The following ORC3 variants were observed in gnomAD, a reference collection of about 807,000 sequenced individuals.
ORC3 encodes the protein homolog of latheo, Drosophila.
A neutral mutation model predicts 100.7 loss-of-function variants in ORC3; 78 were observed. The ratio of observed to expected loss-of-function variants is 0.77; its 90% CI spans 0.65 to 0.94. The LOEUF (loss-of-function observed/expected upper bound fraction) is 0.94. Among genes scored for constraint, ORC3 ranks in the 40% least tolerant of loss-of-function variants. The probability of loss-of-function intolerance (pLI) is 0.00; values close to 1 mark genes in which losing one functional copy is unlikely to be tolerated. For missense variants in ORC3, 789 were observed against 823.9 expected (o/e 0.96, Z 0.52); for synonymous variants, 295 against 289.3 (o/e 1.02, Z -0.20).
intron 13 of ORC3, among the ~76,000 whole-genome samples, chr6:87,646,141 C>G (rs1056954184): frequency 6.6e-6 from 1 of 151,876 alleles, no homozygotes; most frequent in African/African-American, 2.4e-5. Flanking sequence ...CGCCTGCCAC[C>G]AAGCCCGGCT....
chr6:87,625,646 T>C, intron 11 of ORC3, among the ~76,000 whole-genome samples: 1 of 152,228 alleles, frequency 6.6e-6, no homozygotes, highest in East Asian at 1.9e-4. Flanking sequence ...GTAGGTTGCC[T>C]GTTCACTCTG....
chr6:87,641,317 A>AAC (rs779566664), intron 13 of ORC3, among the ~76,000 whole-genome samples: 130 of 152,334 alleles, frequency 8.5e-4, no homozygotes, highest in Admixed American at 2.4e-3. Flanking sequence ...CAAATGAGGA[A>AAC]ACCAAGGCCA....
intron 13 of ORC3, among the ~76,000 whole-genome samples, chr6:87,643,513 T>C (rs981682533): frequency 6.6e-6 from 1 of 152,208 alleles, no homozygotes; most frequent in African/African-American, 2.4e-5. Context: ...CTGTAGGCAG[T>C]TGATCTCAAA....
At chr6:87,590,293 A>AGGG in intron 1 of ORC3, 101 bp downstream of exon 1, 1 of 1,307,758 alleles carries the variant, frequency 7.6e-7, no homozygotes, top group Admixed American at 1.7e-5. Flanking sequence ...CCCTGGCTGG[A>AGGG]GAGGAGGGAG....
chr6:87,648,624 G>T (rs934427778), intron 13 of ORC3, among the ~76,000 whole-genome samples: 18 of 152,258 alleles, frequency 1.2e-4, no homozygotes, highest in African/African-American at 4.1e-4. Flanking sequence ...TAAGTTCTCT[G>T]TGCCTTTGTT....
chr6:87,652,216 A>G (rs944174041), intron 13 of ORC3, among the ~76,000 whole-genome samples: 5 of 152,114 alleles, frequency 3.3e-5, no homozygotes, highest in African/African-American at 1.2e-4. Context: ...ACTTTTAATC[A>G]TCATAGTTTT....
At chr6:87,659,805 C>T (rs376135014) in intron 16 of ORC3, among the ~76,000 whole-genome samples, 15 of 152,062 alleles carry the variant, frequency 9.9e-5, no homozygotes, top group African/African-American at 2.4e-4. Context: ...TGGCTTGAAC[C>T]CGGGAGGCAG....
downstream of ORC3, among the ~76,000 whole-genome samples, chr6:87,670,171 T>C (rs1770803442): frequency 6.6e-6 from 1 of 152,178 alleles, no homozygotes; most frequent in Non-Finnish European, 1.5e-5. Context: ...GGATGGCAAC[T>C]GCCCTATTTT....
chr6:87,594,668 T>G (rs1316437377), intron 2 of ORC3: 13 of 658,036 alleles, frequency 2.0e-5, no homozygotes, highest in Non-Finnish European at 2.4e-5. Context: ...TTAAAAGAGA[T>G]TGTCTTTTTG....
chr6:87,635,901 A>G (rs1767779506), intron 12 of ORC3, among the ~76,000 whole-genome samples: 1 of 151,854 alleles, frequency 6.6e-6, no homozygotes, highest in African/African-American at 2.4e-5. Flanking sequence ...GACCACTGAT[A>G]TCAACCAATC....
the ORC3 span, chr6:87,676,062 A>AT: frequency 2.9e-5 from 20 of 680,512 alleles, no homozygotes; most frequent in Middle Eastern, 8.2e-4. Context: ...AGTAGTACTA[A>AT]TAGTGTATCA....
chr6:87,605,275 G>A (rs1778245605), intron 4 of ORC3, among the ~76,000 whole-genome samples: 1 of 152,184 alleles, frequency 6.6e-6, no homozygotes, highest in Non-Finnish European at 1.5e-5. Flanking sequence ...ATGGGCATGA[G>A]CTATACTGCA....
chr6:87,649,466 G>A lies in ORC3; in HGVS notation c.1383-3650G>A, dbSNP rs955115636. Among the ~76,000 whole-genome samples, 9 of 152,034 alleles carry A rather than the reference G, an allele frequency of 5.9e-5. 1 individual carries two copies. In the South Asian group the frequency reaches 1.0e-3, roughly 18 times the overall value. On this transcript the variant is annotated intron_variant, in intron 13 of 19. Coordinates refer to ENST00000392844, the MANE Select transcript of ORC3 (RefSeq NM_012381.4). ...ATAATTTTTAGTTTTTAAAATTTAC[G>A]GCCAGGCGCCATGGCTCACACCTGT...
chr6:87,647,138 G>A (rs901639773), intron 13 of ORC3, among the ~76,000 whole-genome samples: 16 of 152,084 alleles, frequency 1.1e-4, no homozygotes, highest in Admixed American at 5.9e-4. Flanking sequence ...AGTCAGAATA[G>A]TCCTTTTAAA....
chr6:87,590,637 G>C (rs1776760797), intron 1 of ORC3, among the ~76,000 whole-genome samples: 1 of 152,188 alleles, frequency 6.6e-6, no homozygotes, highest in Non-Finnish European at 1.5e-5. Flanking sequence ...CAACAGAAGA[G>C]TGGGAAGAAC....
chr6:87,604,850 G>GAA (rs996346553), intron 4 of ORC3, among the ~76,000 whole-genome samples: 1 of 147,762 alleles, frequency 6.8e-6, no homozygotes, highest in African/African-American at 2.5e-5. Context: ...GGCTCTCCTA[G>GAA]AAAAAAAAAA....
At chr6:87,658,768 A>C (rs1769926677) in intron 16 of ORC3, among the ~76,000 whole-genome samples, 1 of 152,186 alleles carries the variant, frequency 6.6e-6, no homozygotes, top group Non-Finnish European at 1.5e-5. Context: ...AAACAATGCC[A>C]GTGCACCTCA....
intron 2 of ORC3, among the ~76,000 whole-genome samples, chr6:87,600,165 G>A (rs573057662): frequency 6.6e-6 from 1 of 152,248 alleles, no homozygotes; most frequent in South Asian, 2.1e-4. Flanking sequence ...TTAACATGAA[G>A]TGAATTTATA....
At chr6:87,643,242 A>G (rs1157050181) in intron 13 of ORC3, among the ~76,000 whole-genome samples, 1 of 152,162 alleles carries the variant, frequency 6.6e-6, no homozygotes, top group East Asian at 1.9e-4. Context: ...AGGAGGTCAG[A>G]GAATTAGCTG....
Sources: allele counts gnomAD v4.1 joint callset (sites outside exome capture counted in the v4.1 genomes callset), GRCh38; gene constraint gnomAD v4.1.1; transcripts MANE v1.5; gene names NCBI Gene and HGNC (gene_info 2026-07-23, HGNC 2026-07-21).